ATP6V1C1: variants seen among roughly 807,000 people sequenced by gnomAD.
ATP6V1C1 encodes ATPase H+ transporting V1 subunit C1, also known as V-type proton ATPase subunit C 1.
In ATP6V1C1, 45 loss-of-function variants were observed where a neutral mutation model predicts 53.9. The ratio of observed to expected loss-of-function variants is 0.83; its 90% CI spans 0.66 to 1.07. The LOEUF is 1.07. ATP6V1C1 is among the 50% of genes least tolerant of loss of function. ATP6V1C1 has a pLI of 0.00. For missense variants in ATP6V1C1, 315 were observed against 440.3 expected (o/e 0.72, Z 2.55); for synonymous variants, 153 against 155.2 (o/e 0.99, Z 0.11).
At chr8:103,040,719 T>C (rs1816984015) in intron 1 of ATP6V1C1, 79 bp from the exon 2 acceptor site, 1 of 1,309,158 alleles carries the variant, frequency 7.6e-7, no homozygotes, top group Non-Finnish European at 1.0e-6. Flanking sequence ...TTATATGTTA[T>C]AACTTCTCCT....
chr8:103,023,574 T>G (rs1235594828), intron 1 of ATP6V1C1, among the ~76,000 whole-genome samples: 3 of 152,184 alleles, frequency 2.0e-5, no homozygotes, highest in Non-Finnish European at 4.4e-5. Flanking sequence ...AAAATTTGTT[T>G]TGGCTTTTCA....
intron 3 of ATP6V1C1, among the ~76,000 whole-genome samples, chr8:103,044,318 A>G (rs1003899177): frequency 2.6e-5 from 4 of 151,734 alleles, no homozygotes; most frequent in African/African-American, 9.7e-5. Context: ...CCAGGGTTGT[A>G]ATGTTTTATG....
At chr8:103,047,464 A>T (rs57659220) in intron 3 of ATP6V1C1, among the ~76,000 whole-genome samples, 22,375 of 125,428 alleles carry the variant, frequency 0.18, 2,203 homozygotes, top group African/African-American at 0.24. Context: ...ACACACACAC[A>T]TTTTTTTTTT....
At chr8:103,056,515 A>G (rs868598103) in intron 8 of ATP6V1C1, among the ~76,000 whole-genome samples, 1 of 152,204 alleles carries the variant, frequency 6.6e-6, no homozygotes, top group African/African-American at 2.4e-5. Flanking sequence ...CAAGTCTGTG[A>G]AGAAGTATGG....
At chr8:103,041,302 A>C (rs1512352) in intron 2 of ATP6V1C1, among the ~76,000 whole-genome samples, 5,751 of 152,218 alleles carry the variant, frequency 0.038, 121 homozygotes, top group East Asian at 0.045. Context: ...TTTGTTAGTA[A>C]ATTTATATTA....
At chr8:103,047,317 G>A (rs938850187) in intron 3 of ATP6V1C1, among the ~76,000 whole-genome samples, 2 of 151,160 alleles carry the variant, frequency 1.3e-5, no homozygotes, top group African/African-American at 2.4e-5. Flanking sequence ...CAAGGCAAGA[G>A]GATCGCTTGA....
chr8:103,025,126 C>CGATGGA (rs2131379317), intron 1 of ATP6V1C1, among the ~76,000 whole-genome samples: 1 of 152,000 alleles, frequency 6.6e-6, no homozygotes, highest in African/African-American at 2.4e-5. Context: ...AGAAAGGGAT[C>CGATGGA]GATGGATCTT....
chr8:103,057,683 G>A (rs1462852839), intron 8 of ATP6V1C1, among the ~76,000 whole-genome samples: 2 of 152,096 alleles, frequency 1.3e-5, no homozygotes, highest in Non-Finnish European at 2.9e-5. Flanking sequence ...TTCTTTGTCT[G>A]TAAATGGAGC....
At chr8:103,048,732 C>T in intron 3 of ATP6V1C1, 138 bp from the exon 4 acceptor site, 1 of 623,844 alleles carries the variant, frequency 1.6e-6, no homozygotes, top group Non-Finnish European at 2.7e-6. Context: ...AAGGTAAGAT[C>T]CATTTATTGT....
intron 3 of ATP6V1C1, among the ~76,000 whole-genome samples, chr8:103,047,393 T>G (rs1817116588): frequency 7.9e-6 from 1 of 126,038 alleles, no homozygotes; most frequent in African/African-American, 3.1e-5. Flanking sequence ...GGCAGTAGAG[T>G]GAGACTCTCT....
At chr8:103,059,015 A>G (rs1324491698) in intron 8 of ATP6V1C1, among the ~76,000 whole-genome samples, 1 of 145,062 alleles carries the variant, frequency 6.9e-6, no homozygotes, top group East Asian at 2.0e-4. Context: ...TTTGCTTGTT[A>G]AAATAGTCTG....
intron 1 of ATP6V1C1, among the ~76,000 whole-genome samples, chr8:103,029,931 C>G (rs376461712): frequency 5.3e-5 from 8 of 152,070 alleles, no homozygotes; most frequent in African/African-American, 1.9e-4. Flanking sequence ...CAGGGTTTTA[C>G]TATGTTGGCC....
chr8:103,055,815 C>A, intron 7 of ATP6V1C1, 53 bp from the exon 8 acceptor site: 1 of 1,519,220 alleles, frequency 6.6e-7, no homozygotes, highest in Non-Finnish European at 9.1e-7. Flanking sequence ...CTGGATATGG[C>A]AGGAAATAGG....
At position 103,072,692 on chromosome 8, in the gene ATP6V1C1, T is replaced by C. The variant is rs1296514962; in HGVS notation, c.*3945T>C. 4 of 152,228 alleles carry C rather than the reference T, an allele frequency of 2.6e-5. No homozygotes were observed. Among genetic ancestry groups the C allele is most frequent in the African/African-American group, 7.2e-5 (3 of 41,462 alleles). The allele number at this position is 152,228 out of a possible 1,614,324, so 9.4% of individuals were successfully genotyped here. ...TTTCTAAAGAAAGGAATATGGCACATTGGAACCATTTTATTCACCAGTGGA... is the reference window on the plus strand; with the variant it reads ...TTTCTAAAGAAAGGAATATGGCACACTGGAACCATTTTATTCACCAGTGGA... On this transcript the variant is annotated 3_prime_UTR_variant, in exon 13 of 13. Transcript: ENST00000518738.
At chr8:103,042,955 A>G (rs1343022166) in intron 3 of ATP6V1C1, among the ~76,000 whole-genome samples, 1 of 152,148 alleles carries the variant, frequency 6.6e-6, no homozygotes, top group African/African-American at 2.4e-5. Context: ...CTAATATTCC[A>G]CTATATATGT....
At chr8:103,021,710 C>T (rs1337155547) in intron 1 of ATP6V1C1, among the ~76,000 whole-genome samples, 3 of 151,940 alleles carry the variant, frequency 2.0e-5, no homozygotes, top group African/African-American at 4.8e-5. Flanking sequence ...GGCAAGGAAC[C>T]CTCACAGAGT....
At chr8:103,042,448 C>G in intron 3 of ATP6V1C1, 41 bp downstream of exon 3, 3 of 1,574,504 alleles carry the variant, frequency 1.9e-6, no homozygotes, top group Non-Finnish European at 2.6e-6. Context: ...AAATGGGAGA[C>G]ACTATTATCA....
intron 2 of ATP6V1C1, among the ~76,000 whole-genome samples, chr8:103,042,078 G>A (rs1437472670): frequency 2.6e-5 from 4 of 152,114 alleles, no homozygotes; most frequent in African/African-American, 9.7e-5. Flanking sequence ...ATGATCCAGT[G>A]TCATTGAATA....
chr8:103,021,914 T>G (rs1816602427), intron 1 of ATP6V1C1, among the ~76,000 whole-genome samples: 1 of 152,168 alleles, frequency 6.6e-6, no homozygotes, highest in African/African-American at 2.4e-5. Context: ...AGTATTCTTT[T>G]CAGAGGAAAA....
Sources: allele counts gnomAD v4.1 joint callset (sites outside exome capture counted in the v4.1 genomes callset), GRCh38; gene constraint gnomAD v4.1.1; transcripts MANE v1.5; gene names NCBI Gene and HGNC (gene_info 2026-07-23, HGNC 2026-07-21).